ACBD5: variants seen among roughly 807,000 people sequenced by gnomAD.
The protein encoded by ACBD5 is acyl-CoA-binding domain-containing protein 5.
In ACBD5, 40 loss-of-function variants were observed where a neutral mutation model predicts 71.8. The ratio of observed to expected loss-of-function variants is 0.56; its 90% CI spans 0.43 to 0.72. The LOEUF is 0.72. Among genes scored for constraint, ACBD5 ranks in the 30% least tolerant of loss-of-function variants. ACBD5 has a pLI of 0.00. For missense variants in ACBD5, 559 were observed against 644.5 expected, an observed-to-expected ratio of 0.87 and a Z score of 1.44; for synonymous variants, 229 against 218.6, an observed-to-expected ratio of 1.05 and a Z score of -0.42.
intron 4 of ACBD5, among the ~76,000 whole-genome samples, chr10:27,225,433 T>C (rs1030434794): frequency 6.6e-6 from 1 of 152,022 alleles, no homozygotes; most frequent in African/African-American, 2.4e-5. Context: ...TAGGAGGAGG[T>C]TGTTGAGAGA....
chr10:27,185,539 G>A (rs1359911074), intron 13 of ACBD5, among the ~76,000 whole-genome samples: 2 of 151,214 alleles, frequency 1.3e-5, no homozygotes, highest in African/African-American at 4.9e-5. Flanking sequence ...AGGATGAGGT[G>A]GGAGAATCGC....
intron 5 of ACBD5, among the ~76,000 whole-genome samples, chr10:27,220,626 G>A (rs2062213145): frequency 6.6e-6 from 1 of 152,270 alleles, no homozygotes; most frequent in East Asian, 1.9e-4. Context: ...TCCCCAAAAT[G>A]ATCTGCAAAT....
chr10:27,194,326 T>C (rs1351675564), downstream of ACBD5, among the ~76,000 whole-genome samples: 1 of 149,662 alleles, frequency 6.7e-6, no homozygotes, highest in African/African-American at 2.5e-5. Flanking sequence ...GATGGTTGAT[T>C]AGGGCTGGGT....
chr10:27,190,156 G>A (rs1228176671), intron 13 of ACBD5, among the ~76,000 whole-genome samples: 3 of 152,022 alleles, frequency 2.0e-5, no homozygotes, highest in Non-Finnish European at 2.9e-5. Flanking sequence ...ATGATGGTGC[G>A]CGCCAGTAAT....
At chr10:27,231,696 T>C in intron 4 of ACBD5, 52 bp downstream of exon 4, 3 of 1,526,212 alleles carry the variant, frequency 2.0e-6, no homozygotes, top group South Asian at 1.1e-5. Context: ...ATAACCAAAT[T>C]AAATTAGAGC....
In ACBD5 at chr10:27,196,465, T is replaced by C. The variant is rs566721173; in HGVS notation, c.*965A>G. The C allele has an allele frequency of 5.9e-4, 269 of 454,506 alleles. 3 individuals carry two copies. The highest frequency in any genetic ancestry group is 3.9e-3 in the South Asian group (251 of 64,476). The allele number at this position is 454,506 out of a possible 1,614,324, so 28.2% of individuals were successfully genotyped here. On this transcript the variant is annotated 3_prime_UTR_variant, in exon 13 of 13. Coordinates refer to ENST00000396271, the MANE Select transcript of ACBD5 (RefSeq NM_145698.5). ...TCCTGTGAAGTAGGTGTATCTAAAA[T>C]AGTATACCCCGAAGGAAAAACTGAG...
chr10:27,211,691 AC>A (rs1371461907), intron 8 of ACBD5, among the ~76,000 whole-genome samples: 1 of 150,764 alleles, frequency 6.6e-6, no homozygotes, highest in African/African-American at 2.5e-5. Flanking sequence ...CTTAGAGATT[AC>A]TACCTAAATT....
At chr10:27,200,226 A>G (rs150366838) in intron 12 of ACBD5, among the ~76,000 whole-genome samples, 124 of 152,258 alleles carry the variant, frequency 8.1e-4, no homozygotes, top group African/African-American at 2.9e-3. Context: ...GAAGCTGGCT[A>G]AAACCCACCA....
intron 13 of ACBD5, among the ~76,000 whole-genome samples, chr10:27,184,541 A>G (rs2058532493): frequency 6.8e-6 from 1 of 147,376 alleles, no homozygotes; most frequent in South Asian, 2.1e-4. Context: ...AAACACTATC[A>G]CATATAAGAA....
chr10:27,204,301 T>C (rs2060237265), intron 12 of ACBD5, 139 bp downstream of exon 12: 1 of 678,628 alleles, frequency 1.5e-6, no homozygotes, highest in Non-Finnish European at 2.6e-6. Flanking sequence ...GCAGTTTCAG[T>C]CTCAGGATAA....
intron 13 of ACBD5, among the ~76,000 whole-genome samples, chr10:27,182,905 C>A (rs1181935089): frequency 6.6e-6 from 1 of 151,990 alleles, no homozygotes; most frequent in African/African-American, 2.4e-5. Context: ...ACCTCAGCCT[C>A]CCCAAAATGC....
intron 2 of ACBD5, among the ~76,000 whole-genome samples, chr10:27,239,541 T>C (rs1316941399): frequency 6.6e-6 from 1 of 152,048 alleles, no homozygotes; most frequent in African/African-American, 2.4e-5. Flanking sequence ...GAAGGTCCAA[T>C]ATGAGTATAA....
downstream of ACBD5, among the ~76,000 whole-genome samples, chr10:27,190,990 AC>A (rs1321273859): frequency 1.3e-5 from 2 of 152,188 alleles, no homozygotes; most frequent in Non-Finnish European, 2.9e-5. Context: ...TCTGTGAGAC[AC>A]CCAAATAAAG....
At position 27,240,481 on chromosome 10, in the gene ACBD5, G is replaced by C; in HGVS notation, c.19C>G (p.His7Asp). The change falls in exon 2 of 13, where the codon CAT (histidine) becomes GAT (aspartate). Residue 7 changes from histidine to aspartate, a missense_variant. His to Asp is a moderately conservative substitution (Grantham distance 81, BLOSUM62 -1). Transcript: ENST00000396271. The surrounding 1 kb of genome is among the most constrained non-coding windows in gnomAD (Gnocchi z 4.1). The stretch of plus-strand genomic sequence containing the variant: ...CACCAGCTTTCCCAAGAGCCTGCAT[G>C]AAACTGGAACATGGAGCGCAGCCGC... MLFLSFHAGSWESWCCC... is the reference protein window; with the variant it reads MLFLSFDAGSWESWCCC... 1 of 1,608,956 alleles carries C rather than the reference G, an allele frequency of 6.2e-7. No homozygotes were observed. Among genetic ancestry groups the C allele is most frequent in the Non-Finnish European group, 8.5e-7 (1 of 1,177,298 alleles).
intron 5 of ACBD5, among the ~76,000 whole-genome samples, chr10:27,221,241 T>C (rs2062296734): frequency 6.6e-6 from 1 of 152,198 alleles, no homozygotes; most frequent in Admixed American, 6.5e-5. Context: ...CAATAGAGTC[T>C]AAGGCAGCTC....
chr10:27,187,690 T>G (rs1254786877), intron 13 of ACBD5, among the ~76,000 whole-genome samples: 1 of 151,246 alleles, frequency 6.6e-6, no homozygotes, highest in African/African-American at 2.4e-5. Flanking sequence ...AGGTGGAGAT[T>G]GCAGTGAGCT....
At chr10:27,212,889 T>C (rs945608300) in intron 8 of ACBD5, among the ~76,000 whole-genome samples, 2 of 152,166 alleles carry the variant, frequency 1.3e-5, no homozygotes, top group Admixed American at 6.6e-5. Context: ...TAAAAGATAT[T>C]TTATTCATGT....
At chr10:27,211,658 T>A (rs11015610) in intron 8 of ACBD5, among the ~76,000 whole-genome samples, 10,605 of 152,182 alleles carry the variant, frequency 0.07, 695 homozygotes, top group African/African-American at 0.17. Context: ...AAGAAACATC[T>A]ACATTTCTAT....
intron 12 of ACBD5, among the ~76,000 whole-genome samples, chr10:27,198,501 T>C (rs2059585756): frequency 1.3e-5 from 2 of 152,200 alleles, no homozygotes; most frequent in Admixed American, 1.3e-4. Flanking sequence ...AGGAGTGATA[T>C]TTTAAACAAT....
Sources: allele counts gnomAD v4.1 joint callset (sites outside exome capture counted in the v4.1 genomes callset), GRCh38; gene constraint gnomAD v4.1.1; non-coding constraint Gnocchi (gnomAD v3.1); transcripts MANE v1.5; gene names NCBI Gene and HGNC (gene_info 2026-07-23, HGNC 2026-07-21).